BRF1: variants seen among roughly 807,000 people sequenced by gnomAD.
BRF1 encodes the protein BRF1 general transcription factor IIIB subunit, also known as transcription factor IIIB 90 kDa subunit.
Under a neutral mutation model 81.7 loss-of-function variants are expected in BRF1, and 59 were observed. That is an observed-to-expected ratio of 0.72 (90% CI 0.59 to 0.90). The LOEUF is 0.90. Ranked by LOEUF, BRF1 falls within the 40% of genes least tolerant of loss-of-function variation. The pLI is 0.00. For synonymous variants in BRF1, 491 were observed against 395.6 expected (o/e 1.24, Z -2.86); for missense variants, 1,050 against 936.3 (o/e 1.12, Z -1.58).
chr14:105,265,045 C>CTTTTTTTTTTTTTT (rs587772604), intron 3 of BRF1, among the ~76,000 whole-genome samples: 1 of 135,174 alleles, frequency 7.4e-6, no homozygotes, highest in African/African-American at 2.7e-5. Context: ...TCTACTTATC[C>CTTTTTTTTTTTTTT]TTTTTTTTGT....
rs587614676 is a variant in BRF1, at chr14:105,211,943, C to T, written c.1824+170G>A. Reference sequence around the variant, plus strand: ...GCTCCTGCTCCGGCAACCGGGAGCTCCCACCCTCGGGCCTCGATTCTCTGG... The same window carrying T: ...GCTCCTGCTCCGGCAACCGGGAGCTTCCACCCTCGGGCCTCGATTCTCTGG... On this transcript the variant is annotated intron_variant, in intron 16 of 17. Transcript: ENST00000547530. 2.6e-5 allele frequency: 26 copies of T among 989,982 alleles called. No individual in the cohort carries two copies. The South Asian group carries it at 3.3e-4, about 13-fold the overall frequency. 61.3% of individuals were successfully genotyped at this position (989,982 alleles called of 1,614,324 possible).
intron 4 of BRF1, among the ~76,000 whole-genome samples, chr14:105,253,949 A>G (rs2055743547): frequency 6.6e-6 from 1 of 152,228 alleles, no homozygotes; most frequent in Non-Finnish European, 1.5e-5. Context: ...GTACACACGC[A>G]TACAGTGTGT....
chr14:105,244,280 C>CA lies in BRF1; in HGVS notation c.545-2867dup, dbSNP rs587699232. Among the ~76,000 whole-genome samples, 553 of 151,842 alleles carry CA rather than the reference C, an allele frequency of 3.6e-3. 5 individuals are homozygous for CA. Among genetic ancestry groups the CA allele is most frequent in the African/African-American group, 0.011 (447 of 41,414 alleles). On this transcript the variant is annotated intron_variant, in intron 5 of 17. Transcript: ENST00000547530. ...CAATATAGTGAGACCCCCATCTTTACAAAAAATGAAAAATTTAGCCTAGTG... is the reference window on the plus strand; with the variant it reads ...CAATATAGTGAGACCCCCATCTTTACAAAAAAATGAAAAATTTAGCCTAGTG...
At chr14:105,249,306 C>A in intron 5 of BRF1, 2 of 1,586,256 alleles carry the variant, frequency 1.3e-6, no homozygotes, top group Non-Finnish European at 1.7e-6. Context: ...CGCCGTGTGG[C>A]TGACACGCAG....
intron 5 of BRF1, among the ~76,000 whole-genome samples, chr14:105,251,773 A>T (rs1040517825): frequency 6.6e-6 from 1 of 151,968 alleles, no homozygotes; most frequent in Admixed American, 6.6e-5. Context: ...TCTGCTTGGT[A>T]AAGAAAGGGT....
intron 5 of BRF1, chr14:105,250,473 A>C (rs769163164): frequency 6.2e-7 from 1 of 1,613,850 alleles, no homozygotes; most frequent in Non-Finnish European, 8.5e-7. Flanking sequence ...TGGTTTGAAC[A>C]CCCGGTCCAG....
At chr14:105,242,210 T>A (rs895616139) in intron 5 of BRF1, 3 of 152,274 alleles carry the variant, frequency 2.0e-5, no homozygotes, top group Non-Finnish European at 4.4e-5. Context: ...TTTACCCTGA[T>A]GTGACTGTTA....
At chr14:105,219,762 C>A (rs766419142) in intron 12 of BRF1, 4 of 501,854 alleles carry the variant, frequency 8.0e-6, no homozygotes, top group Non-Finnish European at 7.2e-6. Flanking sequence ...TGTCTAGAGA[C>A]CCCTCGAGGG....
At chr14:105,282,158 G>A (rs959580121) in intron 2 of BRF1, among the ~76,000 whole-genome samples, 3 of 152,188 alleles carry the variant, frequency 2.0e-5, no homozygotes, top group African/African-American at 7.2e-5. Context: ...CATTCCATGG[G>A]GTGCCTGTCT....
chr14:105,210,131 A>G lies in BRF1; in HGVS notation c.*420T>C. On this transcript the variant is annotated 3_prime_UTR_variant, in exon 18 of 18. Coordinates refer to ENST00000547530, the MANE Select transcript of BRF1 (RefSeq NM_001519.4). The surrounding 1 kb of genome is among the most constrained non-coding windows in gnomAD (Gnocchi z 4.7). ...TGCTGCTCAGGAGGGGACGGTGCGG[A>G]GGGTGGGCTGGAGACTCCAGAGCTG... The G allele has an allele frequency of 4.2e-6, 1 of 240,184 alleles. No individual in the cohort carries two copies. Among genetic ancestry groups the G allele is most frequent in the Non-Finnish European group, 8.1e-6 (1 of 123,488 alleles). The allele number at this position is 240,184 out of a possible 1,614,324, so 14.9% of individuals were successfully genotyped here.
chr14:105,247,710 G>C, intron 5 of BRF1: 1 of 985,496 alleles, frequency 1.0e-6, no homozygotes. Context: ...AAAGTCTAAA[G>C]CCTGGCGGTC....
chr14:105,289,164 T>C (rs587735680), intron 1 of BRF1, among the ~76,000 whole-genome samples: 1 of 150,856 alleles, frequency 6.6e-6, no homozygotes, highest in East Asian at 2.0e-4. Flanking sequence ...CTGGACAACA[T>C]AGCAAGATCC....
chr14:105,209,578 A>C lies in BRF1; in HGVS notation c.*973T>G, dbSNP rs1889848444. 5 of 702,650 alleles carry C rather than the reference A, an allele frequency of 7.1e-6. No individual in the cohort carries two copies. Among genetic ancestry groups the C allele is most frequent in the Non-Finnish European group, 1.3e-5 (5 of 384,846 alleles). 43.5% of individuals were successfully genotyped at this position (702,650 alleles called of 1,614,324 possible). A position where few individuals can be genotyped will look rare whatever the true frequency, so the allele number is the denominator to read the frequency against. ...AGCCATGCCAGAGCTGAGACCTCCT[A>C]CGAGTGGTACTGGGGCCTTCCCACG... On this transcript the variant is annotated 3_prime_UTR_variant, in exon 18 of 18. Transcript: ENST00000547530.
chr14:105,308,170 G>C (rs898238798), intron 1 of BRF1, among the ~76,000 whole-genome samples: 5 of 151,350 alleles, frequency 3.3e-5, no homozygotes, highest in Non-Finnish European at 7.4e-5. Flanking sequence ...ACCATAGAGT[G>C]AGACTCTGTC....
chr14:105,211,824 C>T (rs1331793682), intron 16 of BRF1: 3 of 512,638 alleles, frequency 5.9e-6, no homozygotes, highest in African/African-American at 1.9e-5. Flanking sequence ...TTCCTACATA[C>T]AGGCTCCCTG....
At chr14:105,248,524 G>T in intron 5 of BRF1, 1 of 971,204 alleles carries the variant, frequency 1.0e-6, no homozygotes, top group African/African-American at 1.8e-5. Context: ...CGCGGGGCGC[G>T]GCCCTGACGC....
intron 4 of BRF1, among the ~76,000 whole-genome samples, chr14:105,254,565 T>C (rs1488767999): frequency 6.7e-6 from 1 of 148,920 alleles, no homozygotes; most frequent in East Asian, 2.0e-4. Context: ...CCGCAGTTTT[T>C]TGTTTGTTTT....
At chr14:105,304,109 AGTACAGGACAGTCAGGCT>A (rs1215878507), upstream of BRF1, among the ~76,000 whole-genome samples, 3 of 152,242 alleles carry the variant, frequency 2.0e-5, no homozygotes, top group African/African-American at 4.8e-5. Flanking sequence ...ACAGTCAGGC[AGTACAGGACAGTCAGGCT>A]GTACAGGACA....
intron 6 of BRF1, among the ~76,000 whole-genome samples, chr14:105,229,495 A>G (rs368846087): frequency 3.3e-4 from 50 of 152,284 alleles, no homozygotes; most frequent in African/African-American, 1.1e-3. Context: ...GGCCCTGCCG[A>G]CCTGGGGCTC....
Sources: gnomAD v4.1 joint callset for allele counts (sites outside exome capture counted in the v4.1 genomes callset) on GRCh38, gnomAD v4.1.1 for gene constraint, Gnocchi (gnomAD v3.1) non-coding constraint, MANE v1.5 for transcripts, NCBI Gene and HGNC (gene_info 2026-07-23, HGNC 2026-07-21) for gene names.